Variants in PIGN observed in about 807,000 individuals in gnomAD.
PIGN encodes the protein GPI ethanolamine phosphate transferase 1.
Under a neutral mutation model 125.4 loss-of-function variants are expected in PIGN, and 117 were observed. That is an observed-to-expected ratio of 0.93 (90% CI 0.80 to 1.09). The LOEUF is 1.09. Ranked by LOEUF, PIGN falls within the 50% of genes least tolerant of loss-of-function variation. The pLI, the probability that PIGN is intolerant of heterozygous loss-of-function variation, is 0.00. For missense variants in PIGN, 1,075 were observed against 1,094.9 expected (o/e 0.98, Z 0.26); for synonymous variants, 392 against 377.8 (o/e 1.04, Z -0.44).
chr18:62,132,678 T>C (rs2035782939), intron 14 of PIGN, among the ~76,000 whole-genome samples: 1 of 151,852 alleles, frequency 6.6e-6, no homozygotes, highest in South Asian at 2.1e-4. Context: ...CCCATCTCTA[T>C]TAAAAAAAAA....
At chr18:62,095,793 C>A in intron 23 of PIGN, 55 bp downstream of exon 23, 1 of 918,552 alleles carries the variant, frequency 1.1e-6, no homozygotes, top group South Asian at 1.5e-5. Flanking sequence ...GAGAAAATAT[C>A]AATATATCAT....
chr18:62,096,343 T>C (rs568788237), intron 22 of PIGN, among the ~76,000 whole-genome samples: 2 of 151,974 alleles, frequency 1.3e-5, no homozygotes, highest in Admixed American at 6.6e-5. Flanking sequence ...GTATCATTTA[T>C]GGCATTTATT....
At chr18:62,133,409 T>C (rs1313417486) in intron 14 of PIGN, among the ~76,000 whole-genome samples, 1 of 152,212 alleles carries the variant, frequency 6.6e-6, no homozygotes, top group African/African-American at 2.4e-5. Flanking sequence ...ATGTGTTCTG[T>C]TATCTAGCAG....
At chr18:62,046,087 G>T in intron 30 of PIGN, 108 bp from the exon 31 acceptor site, 1 of 1,134,782 alleles carries the variant, frequency 8.8e-7, no homozygotes, top group Non-Finnish European at 1.3e-6. Flanking sequence ...CCACTTTCAG[G>T]AGCTGGAGTG....
At position 62,072,728 on chromosome 18, in the gene PIGN, G is replaced by GAAA; in HGVS notation, c.2620-4_2620-3insTTT. 1 of 1,401,918 alleles carries GAAA rather than the reference G, an allele frequency of 7.1e-7. No individual in the cohort carries two copies. Among genetic ancestry groups the GAAA allele is most frequent in the Admixed American group, 2.7e-5 (1 of 36,680 alleles). 86.8% of individuals were successfully genotyped at this position (1,401,918 alleles called of 1,614,324 possible). On this transcript the variant is annotated splice_polypyrimidine_tract_variant and splice_region_variant and intron_variant, in intron 29 of 30. Transcript: ENST00000640252. ...TCCTTGACCAAGAAGAAAAAATGCTGTAAAAAAAAAAAAAGGCTTAATGAA... is the reference window on the plus strand; with the variant it reads ...TCCTTGACCAAGAAGAAAAAATGCTGAAATAAAAAAAAAAAAAGGCTTAATGAA...
At chr18:62,174,361 A>G (rs1271612973) in intron 1 of PIGN, 4 of 152,218 alleles carry the variant, frequency 2.6e-5, no homozygotes, top group Non-Finnish European at 4.4e-5. Flanking sequence ...ACTCCCATTC[A>G]CTTCTATATT....
Position 62,102,947 on chromosome 18 carries a change from C to T in PIGN, c.1860-45G>A, listed in dbSNP as rs900400611. On this transcript the variant is annotated intron_variant, in intron 20 of 30. Transcript: ENST00000640252. Reference sequence around the variant, plus strand: ...ATTTTAAATTTTCTTCAGATATTTACGAACACATATCAGATGGAAATATGA... The same window carrying T: ...ATTTTAAATTTTCTTCAGATATTTATGAACACATATCAGATGGAAATATGA... 1.6e-5 allele frequency: 17 copies of T among 1,065,698 alleles called. No individual in the cohort carries two copies. The East Asian group carries it at 2.8e-4, about 18-fold the overall frequency. 66.0% of individuals were successfully genotyped at this position (1,065,698 alleles called of 1,614,324 possible). A position where few individuals can be genotyped will look rare whatever the true frequency, so the allele number is the denominator to read the frequency against.
intron 23 of PIGN, among the ~76,000 whole-genome samples, chr18:62,020,392 CTCTAGACA>C (rs2030038827): frequency 6.6e-6 from 1 of 152,110 alleles, no homozygotes; most frequent in Admixed American, 6.5e-5. Flanking sequence ...AATACATAAC[CTCTAGACA>C]TGTGAAGAAG....
intron 14 of PIGN, among the ~76,000 whole-genome samples, chr18:62,119,136 G>A (rs187849853): frequency 7.9e-5 from 12 of 152,182 alleles, no homozygotes; most frequent in East Asian, 5.8e-4. Context: ...ATCGCAGCAC[G>A]GCCTTGAGTC....
intron 19 of PIGN, 38 bp from the exon 20 acceptor site, chr18:62,105,672 G>T (rs1486234915): frequency 8.0e-7 from 1 of 1,245,728 alleles, no homozygotes; most frequent in Non-Finnish European, 1.1e-6. Context: ...GACAAATATG[G>T]TATAGAAAAC....
chr18:62,107,689 G>A (rs8095863), intron 17 of PIGN: 10,328 of 151,414 alleles, frequency 0.068, 654 homozygotes, highest in African/African-American at 0.17. Context: ...GTTTAAACAC[G>A]GATTCATACA....
At chr18:62,125,450 T>C (rs2035499092) in intron 14 of PIGN, among the ~76,000 whole-genome samples, 1 of 152,066 alleles carries the variant, frequency 6.6e-6, no homozygotes, top group Admixed American at 6.6e-5. Context: ...TTCAATTATG[T>C]GGCTTTCCAT....
intron 30 of PIGN, among the ~76,000 whole-genome samples, chr18:62,057,552 T>G (rs1281399956): frequency 1.3e-5 from 2 of 152,228 alleles, no homozygotes; most frequent in African/African-American, 4.8e-5. Context: ...TCTTCCTCAA[T>G]CTTCCTTCTC....
chr18:62,101,007 T>C (rs1201354531), intron 22 of PIGN, 68 bp downstream of exon 22: 6 of 832,144 alleles, frequency 7.2e-6, no homozygotes. Context: ...GATACAGACA[T>C]AAACAGATCA....
intron 25 of PIGN, among the ~76,000 whole-genome samples, chr18:62,086,418 A>G (rs1364731925): frequency 6.6e-6 from 1 of 152,126 alleles, no homozygotes; most frequent in Non-Finnish European, 1.5e-5. Context: ...AGAGATCAAG[A>G]CCATCCTGGC....
At chr18:62,023,758 C>A (rs1022659010) in intron 23 of PIGN, among the ~76,000 whole-genome samples, 1 of 152,226 alleles carries the variant, frequency 6.6e-6, no homozygotes, top group Non-Finnish European at 1.5e-5. Flanking sequence ...CAACTGCACA[C>A]TTTGCTGTCT....
At chr18:62,146,529 T>C (rs76455916) in intron 9 of PIGN, among the ~76,000 whole-genome samples, 2 of 152,162 alleles carry the variant, frequency 1.3e-5, no homozygotes, top group African/African-American at 4.8e-5. Context: ...ATATTGTGAT[T>C]TGGGGACAAA....
At position 62,045,876 on chromosome 18, in the gene PIGN, G is replaced by T. The variant is rs1599384266; in HGVS notation, c.2776C>A (p.Pro926Thr). The change falls in exon 31 of 31, where the codon CCC (proline) becomes ACC (threonine). Residue 926 changes from proline to threonine, a missense_variant. Pro to Thr is a conservative substitution (Grantham distance 38). Around this residue, in one of 3 missense-constraint regions of PIGN, gnomAD observed 915 missense variants for 908.7 expected, o/e 1.01. Transcript: ENST00000640252. Reference sequence around the variant, plus strand: ...CAACCTCACATGAAGTGACTTTTGGGTTTGCCACATAGTCTGAGTTTCTTC... The same window carrying T: ...CAACCTCACATGAAGTGACTTTTGGTTTTGCCACATAGTCTGAGTTTCTTC... ...TTKKLRLCGK[P>T]KSHFM 3 of 1,613,792 alleles carry T rather than the reference G, an allele frequency of 1.9e-6. No homozygotes were observed. In the South Asian group the frequency reaches 3.3e-5, roughly 18 times the overall value.
At chr18:62,137,025 T>C (rs2035958272) in intron 14 of PIGN, 1 of 398,466 alleles carries the variant, frequency 2.5e-6, no homozygotes, top group Non-Finnish European at 4.4e-6. Context: ...GTGACATTGT[T>C]GCCAAAGGAG....
Sources: gnomAD v4.1 joint callset for allele counts (sites outside exome capture counted in the v4.1 genomes callset) on GRCh38, gnomAD v4.1.1 for gene constraint, gnomAD v4.1.1 regional missense constraint, MANE v1.5 for transcripts, NCBI Gene and HGNC (gene_info 2026-07-23, HGNC 2026-07-21) for gene names.